The following BCAS1 variants were observed in gnomAD, a reference collection of about 807,000 sequenced individuals.
The protein encoded by BCAS1 is breast carcinoma-amplified sequence 1.
A neutral mutation model predicts 65.4 loss-of-function variants in BCAS1; 46 were observed. The ratio of observed to expected loss-of-function variants is 0.70; its 90% confidence interval spans 0.55 to 0.90. BCAS1 has a LOEUF of 0.90. BCAS1 is among the 40% of genes least tolerant of loss of function. The probability of loss-of-function intolerance (pLI) is 0.00; values close to 1 mark genes in which losing one functional copy is unlikely to be tolerated. For synonymous variants in BCAS1, 298 were observed against 293.5 expected (o/e 1.02, Z -0.16); for missense variants, 793 against 771.2 (o/e 1.03, Z -0.33).
intron 3 of BCAS1, among the ~76,000 whole-genome samples, chr20:54,041,819 A>T (rs2091999083): frequency 1.4e-5 from 2 of 144,856 alleles, no homozygotes; most frequent in Admixed American, 7.0e-5. Context: ...GAATCATTTG[A>T]ACCTGGGAGG....
intron 4 of BCAS1, among the ~76,000 whole-genome samples, chr20:54,010,409 A>C (rs56296326): frequency 0.039 from 5,880 of 152,270 alleles, 140 homozygotes; most frequent in Middle Eastern, 0.099. Context: ...TGAAGAATAC[A>C]AGATAAACAT....
chr20:53,943,571 A>T lies in BCAS1; in HGVS notation c.*1351T>A, dbSNP rs1333886558. 3 of 152,238 alleles carry T rather than the reference A, an allele frequency of 2.0e-5. No individual in the cohort carries two copies. The highest frequency in any genetic ancestry group is 6.5e-5 in the Admixed American group (1 of 15,288). 9.4% of individuals were successfully genotyped at this position (152,238 alleles called of 1,614,324 possible). On this transcript the variant is annotated 3_prime_UTR_variant, in exon 13 of 13. Coordinates refer to ENST00000688948, the MANE Select transcript of BCAS1 (RefSeq NM_001366298.2). ...AAGTAAATGTATTTTTTATTAAATC[A>T]GAAAAAGAAAGATACAGTTTACATG...
chr20:54,006,749 G>C (rs2091205002), intron 4 of BCAS1, among the ~76,000 whole-genome samples: 1 of 151,150 alleles, frequency 6.6e-6, no homozygotes, highest in Non-Finnish European at 1.5e-5. Flanking sequence ...CAGGACTTTT[G>C]AATCACAGCA....
rs570287373 is a variant in BCAS1 at position 53,951,332 on chromosome 20, G to A, written c.1815+2100C>T. Among the ~76,000 whole-genome samples the A allele has an allele frequency of 3.4e-3, 520 of 152,144 alleles. 4 individuals carry two copies. The highest frequency in any genetic ancestry group is 5.4e-3 in the Non-Finnish European group (368 of 67,984). ...ACTAAAAATACAAAATTAGCCAGGC[G>A]TGGTGGCGCATGCCTGTAATCCCAG... On this transcript the variant is annotated intron_variant, in intron 12 of 12. Transcript: ENST00000688948.
chr20:54,027,131 T>C (rs1431861975), intron 4 of BCAS1, among the ~76,000 whole-genome samples: 3 of 152,178 alleles, frequency 2.0e-5, no homozygotes, highest in African/African-American at 4.8e-5. Flanking sequence ...GAAGGGAAAA[T>C]GTTTAAACTC....
chr20:54,069,640 C>A (rs2092490518), intron 1 of BCAS1, among the ~76,000 whole-genome samples: 1 of 152,174 alleles, frequency 6.6e-6, no homozygotes, highest in African/African-American at 2.4e-5. Context: ...AAAACAAGAA[C>A]CACAGCTAAG....
At position 53,957,507 on chromosome 20, in the gene BCAS1, C is replaced by T. The variant is rs147195366; in HGVS notation, c.1486-10G>A. 1,959 of 1,613,022 alleles carry T rather than the reference C, an allele frequency of 1.2e-3. 26 individuals are homozygous for T. The African/African-American group carries it at 0.023, about 19-fold the overall frequency. ...CATCCCCTTTCACTGACTAAAATAA[C>T]AAACAGACAATGGCCTTCAGCCACA... is the stretch of plus-strand genomic sequence containing the variant. On this transcript the variant is annotated splice_polypyrimidine_tract_variant and intron_variant, in intron 10 of 12. Coordinates refer to ENST00000688948, the MANE Select transcript of BCAS1 (RefSeq NM_001366298.2).
rs563153125 is a variant in BCAS1 at position 53,946,098 on chromosome 20, C to T, written c.1816-1102G>A. 6.6e-5 allele frequency among the ~76,000 whole-genome samples: 10 copies of T among 152,072 alleles called. No homozygotes were observed. In the East Asian group the frequency reaches 1.9e-3, roughly 29 times the overall value. ...CTGAGTACTATTATTATTATTATTA[C>T]TTTACCGTTTCTGTCAAGTATAACT... On this transcript the variant is annotated intron_variant, in intron 12 of 12. Transcript: ENST00000688948.
At chr20:54,055,170 C>T (rs2092277966) in intron 3 of BCAS1, among the ~76,000 whole-genome samples, 2 of 152,104 alleles carry the variant, frequency 1.3e-5, no homozygotes, top group South Asian at 4.1e-4. Flanking sequence ...AACAAACAAC[C>T]CGATTAAAAA....
chr20:54,062,228 A>G (rs112426793), intron 1 of BCAS1, among the ~76,000 whole-genome samples: 1,998 of 152,358 alleles, frequency 0.013, 56 homozygotes, highest in African/African-American at 0.046. Flanking sequence ...AACAATGACA[A>G]CAACTCTAAA....
At chr20:54,009,402 C>T (rs62207387) in intron 4 of BCAS1, among the ~76,000 whole-genome samples, 9,313 of 152,096 alleles carry the variant, frequency 0.061, 400 homozygotes, top group South Asian at 0.17. Flanking sequence ...GTACAGATTA[C>T]CAGTATCAGG....
chr20:53,964,905 G>GTT (rs143853752), intron 10 of BCAS1, among the ~76,000 whole-genome samples: 81 of 145,956 alleles, frequency 5.5e-4, no homozygotes, highest in South Asian at 3.0e-3. Flanking sequence ...TCTATTTACT[G>GTT]TTTTTTTTTT....
At chr20:54,021,941 A>C (rs2091568765) in intron 4 of BCAS1, among the ~76,000 whole-genome samples, 1 of 152,238 alleles carries the variant, frequency 6.6e-6, no homozygotes, top group East Asian at 1.9e-4. Context: ...ATCTCTAAAA[A>C]ATGCTGACAC....
intron 4 of BCAS1, among the ~76,000 whole-genome samples, chr20:54,017,107 A>G (rs1009938826): frequency 1.3e-5 from 2 of 152,150 alleles, no homozygotes; most frequent in African/African-American, 4.8e-5. Context: ...TTGTTCACAT[A>G]GGGGGAGGGG....
chr20:54,029,168 G>C, intron 3 of BCAS1, 196 bp from the exon 4 acceptor site: 1 of 985,404 alleles, frequency 1.0e-6, no homozygotes, highest in Non-Finnish European at 1.2e-6. Flanking sequence ...GAGAAGGCAA[G>C]GTTGGTGAGG....
intron 9 of BCAS1, among the ~76,000 whole-genome samples, chr20:53,969,034 G>A (rs1283627796): frequency 2.6e-5 from 4 of 152,230 alleles, no homozygotes; most frequent in Non-Finnish European, 5.9e-5. Context: ...AGCCACAAGA[G>A]CCCTTCAGGT....
At chr20:53,945,053 A>T (rs1261674870) in intron 12 of BCAS1, 57 bp from the exon 13 acceptor site, 2 of 1,428,404 alleles carry the variant, frequency 1.4e-6, no homozygotes, top group Admixed American at 1.7e-5. Flanking sequence ...GTCAACAGCA[A>T]CAATGGCCAT....
intron 10 of BCAS1, among the ~76,000 whole-genome samples, chr20:53,959,576 T>G (rs999807324): frequency 6.6e-6 from 1 of 152,170 alleles, no homozygotes; most frequent in South Asian, 2.1e-4. Context: ...AAAAAATTTT[T>G]TTGCAGAGAC....
chr20:53,987,492 A>T (rs2090643621), intron 7 of BCAS1, among the ~76,000 whole-genome samples: 1 of 152,216 alleles, frequency 6.6e-6, no homozygotes, highest in Admixed American at 6.5e-5. Flanking sequence ...CCTCCTCCTA[A>T]CACACACATG....
Sources: allele counts gnomAD v4.1 joint callset (sites outside exome capture counted in the v4.1 genomes callset), GRCh38; gene constraint gnomAD v4.1.1; transcripts MANE v1.5; gene names NCBI Gene and HGNC (gene_info 2026-07-23, HGNC 2026-07-21).